Variants in CDH12 observed in about 807,000 individuals in gnomAD.
CDH12 encodes the protein cadherin 12, also known as cadherin-12.
CDH12 carries 41 observed loss-of-function variants against 74.1 expected under a neutral mutation model. That is an observed-to-expected ratio of 0.55 (90% confidence interval 0.43 to 0.72). The LOEUF (loss-of-function observed/expected upper bound fraction) is 0.72, where lower values mean the gene tolerates loss of function less well. Ranked by LOEUF, CDH12 falls within the 30% of genes least tolerant of loss-of-function variation. CDH12 has a pLI of 0.00. For synonymous variants in CDH12, 399 were observed against 355.0 expected (o/e 1.12, Z -1.39); for missense variants, 945 against 977.2 (o/e 0.97, Z 0.44).
chr5:21,884,139 G>A (rs1752506355), intron 6 of CDH12: 2 of 1,523,094 alleles, frequency 1.3e-6, no homozygotes, highest in Admixed American at 1.7e-5. Context: ...GGTAGAAAAA[G>A]GAATTATTGA....
intron 2 of CDH12, among the ~76,000 whole-genome samples, chr5:22,434,754 A>T (rs1744310745): frequency 6.6e-6 from 1 of 151,998 alleles, no homozygotes; most frequent in African/African-American, 2.4e-5. Flanking sequence ...GAAAAAATAG[A>T]TTTTTTGTGT....
chr5:22,464,101 G>A (rs1204410196), intron 2 of CDH12, among the ~76,000 whole-genome samples: 4 of 152,146 alleles, frequency 2.6e-5, no homozygotes, highest in Non-Finnish European at 5.9e-5. Context: ...TAGCATATGA[G>A]TCTCACAAGA....
chr5:21,783,923 G>C (rs1004146973), intron 10 of CDH12, among the ~76,000 whole-genome samples: 1 of 152,060 alleles, frequency 6.6e-6, no homozygotes, highest in African/African-American at 2.4e-5. Flanking sequence ...TGTTTCCAGA[G>C]ATAGAAAAAA....
chr5:22,234,816 G>A (rs1322806860), intron 3 of CDH12, among the ~76,000 whole-genome samples: 2 of 151,732 alleles, frequency 1.3e-5, no homozygotes, highest in Non-Finnish European at 2.9e-5. Flanking sequence ...ACACACAAAT[G>A]TCAATATAAA....
intron 1 of CDH12, among the ~76,000 whole-genome samples, chr5:22,732,049 G>C (rs1366314409): frequency 6.6e-6 from 1 of 151,742 alleles, no homozygotes; most frequent in Admixed American, 6.6e-5. Context: ...TCTTCTGTTT[G>C]CTACAGCTGC....
At chr5:22,172,464 A>G (rs1749086065) in intron 4 of CDH12, 1 of 151,906 alleles carries the variant, frequency 6.6e-6, no homozygotes, top group South Asian at 2.1e-4. Context: ...CCCACAAGAA[A>G]TCAGTTCCCT....
At position 21,926,820 on chromosome 5, in the gene CDH12, A is replaced by G. The variant is rs569837774; in HGVS notation, c.526+48271T>C. On this transcript the variant is annotated intron_variant, in intron 6 of 14. Transcript: ENST00000382254. ...GCATGCAGGTAGAACTGTGTACAAC[A>G]ATAGAGGTGATGGTAGAATGTTCTC... Among the ~76,000 whole-genome samples, 7 of 152,286 alleles carry G rather than the reference A, an allele frequency of 4.6e-5. No homozygotes were observed. The East Asian group carries it at 1.4e-3, about 29-fold the overall frequency.
chr5:21,958,083 A>C (rs942401253), intron 6 of CDH12, among the ~76,000 whole-genome samples: 4 of 151,960 alleles, frequency 2.6e-5, no homozygotes, highest in Admixed American at 2.0e-4. Flanking sequence ...CACGAGATCT[A>C]ATGGTTTTAT....
intron 6 of CDH12, among the ~76,000 whole-genome samples, chr5:21,897,787 G>A (rs550928573): frequency 6.6e-6 from 1 of 152,162 alleles, no homozygotes; most frequent in Admixed American, 6.5e-5. Flanking sequence ...ACAAATAAAA[G>A]CTAAATTTTG....
intron 1 of CDH12, among the ~76,000 whole-genome samples, chr5:22,690,248 C>T (rs1274369276): frequency 6.6e-6 from 1 of 152,062 alleles, no homozygotes; most frequent in Non-Finnish European, 1.5e-5. Flanking sequence ...TTTAGTGAAT[C>T]TTCTAAATTA....
chr5:22,817,538 A>C (rs1208783079), intron 1 of CDH12, among the ~76,000 whole-genome samples: 1 of 152,110 alleles, frequency 6.6e-6, no homozygotes, highest in African/African-American at 2.4e-5. Flanking sequence ...TTTATAACTG[A>C]TAATTATAGT....
intron 10 of CDH12, among the ~76,000 whole-genome samples, chr5:21,786,092 C>T (rs1400324139): frequency 6.6e-6 from 1 of 152,174 alleles, no homozygotes; most frequent in African/African-American, 2.4e-5. Flanking sequence ...ATCTACTCTG[C>T]CTGTTGTCTT....
At chr5:22,270,565 T>C (rs542338630) in intron 3 of CDH12, among the ~76,000 whole-genome samples, 1 of 148,804 alleles carries the variant, frequency 6.7e-6, no homozygotes, top group South Asian at 2.2e-4. Context: ...GTTGCACTTC[T>C]GCCTAGGCGG....
intron 1 of CDH12, among the ~76,000 whole-genome samples, chr5:22,704,967 A>C (rs1742913007): frequency 1.3e-5 from 2 of 152,088 alleles, no homozygotes; most frequent in South Asian, 2.1e-4. Context: ...TCATACAAAA[A>C]ATTCTAATTG....
intron 1 of CDH12, among the ~76,000 whole-genome samples, chr5:22,710,651 C>G (rs1017496772): frequency 1.3e-5 from 2 of 152,134 alleles, no homozygotes; most frequent in African/African-American, 2.4e-5. Context: ...AGAGAAAGCA[C>G]TACCAGAAAG....
chr5:21,837,894 G>GCAGA (rs1749630471), intron 8 of CDH12, among the ~76,000 whole-genome samples: 1 of 152,064 alleles, frequency 6.6e-6, no homozygotes, highest in Non-Finnish European at 1.5e-5. Flanking sequence ...AAGTGTTCAT[G>GCAGA]TAATACAAGC....
At chr5:22,247,400 G>A (rs1260144702) in intron 3 of CDH12, among the ~76,000 whole-genome samples, 1 of 152,182 alleles carries the variant, frequency 6.6e-6, no homozygotes, top group African/African-American at 2.4e-5. Context: ...TTTGGGGCTG[G>A]ACCCAGTGGC....
At chr5:22,625,182 G>A (rs1174723313) in intron 1 of CDH12, among the ~76,000 whole-genome samples, 1 of 152,036 alleles carries the variant, frequency 6.6e-6, no homozygotes, top group Admixed American at 6.6e-5. Flanking sequence ...AGCGGGGAGG[G>A]ATAGAATTAG....
chr5:21,751,494 AAAGC>A lies in CDH12; in HGVS notation c.*239_*242del. 6.7e-6 allele frequency: 3 copies of A among 446,854 alleles called. No individual in the cohort carries two copies. The highest frequency in any genetic ancestry group is 1.2e-5 in the Non-Finnish European group (3 of 249,352). The allele number at this position is 446,854 out of a possible 1,614,324, so 27.7% of individuals were successfully genotyped here. A position where few individuals can be genotyped will look rare whatever the true frequency, so the allele number is the denominator to read the frequency against. The stretch of plus-strand genomic sequence containing the variant: ...TTGTGAAAAAACAAAACAACAAAAC[AAAGC>A]AAGTACACATTATAGGATGTATCTC... On this transcript the variant is annotated 3_prime_UTR_variant, in exon 15 of 15. Coordinates refer to ENST00000382254, the MANE Select transcript of CDH12 (RefSeq NM_004061.5).
Sources: allele counts gnomAD v4.1 joint callset (sites outside exome capture counted in the v4.1 genomes callset), GRCh38; gene constraint gnomAD v4.1.1; transcripts MANE v1.5; gene names NCBI Gene and HGNC (gene_info 2026-07-23, HGNC 2026-07-21).